Variants in ALG12 observed in about 807,000 individuals in gnomAD.
ALG12 encodes ALG12 alpha-1,6-mannosyltransferase.
In ALG12, 36 loss-of-function variants were observed where a neutral mutation model predicts 46.0. That is an observed-to-expected ratio of 0.78 (90% CI 0.60 to 1.03). The LOEUF (loss-of-function observed/expected upper bound fraction) is 1.03. Among genes scored for constraint, ALG12 ranks in the 50% least tolerant of loss-of-function variants. The pLI, the probability that ALG12 is intolerant of heterozygous loss-of-function variation, is 0.00. For synonymous variants in ALG12, 326 were observed against 291.6 expected, an observed-to-expected ratio of 1.12 and a Z score of -1.20; for missense variants, 599 against 633.5, an observed-to-expected ratio of 0.95 and a Z score of 0.58.
the ALG12 span, chr22:49,888,599 A>G: frequency 6.0e-6 from 1 of 167,282 alleles, no homozygotes; most frequent in Non-Finnish European, 1.5e-5. Context: ...TCTTACAACA[A>G]CAGTTCTGAT....
the ALG12 span, chr22:49,885,595 A>G: frequency 6.2e-7 from 1 of 1,608,562 alleles, no homozygotes; most frequent in Non-Finnish European, 8.5e-7. Context: ...TGATGACACC[A>G]ATGAGAAGTT....
At chr22:49,917,495 AC>A (rs1489216531) in intron 1 of ALG12, among the ~76,000 whole-genome samples, 2 of 152,150 alleles carry the variant, frequency 1.3e-5, no homozygotes, top group Non-Finnish European at 2.9e-5. Flanking sequence ...ACATGGTGAA[AC>A]CCCGTCTCTA....
chr22:49,872,641 C>T, the ALG12 span, among the ~76,000 whole-genome samples: 1 of 152,146 alleles, frequency 6.6e-6, no homozygotes, highest in African/African-American at 2.4e-5. Context: ...GCGAACCTCC[C>T]GTCTCAGCCT....
chr22:49,863,812 T>G, the ALG12 span, among the ~76,000 whole-genome samples: 6 of 152,338 alleles, frequency 3.9e-5, no homozygotes, highest in Admixed American at 3.9e-4. Flanking sequence ...CATTTTCCTA[T>G]CAGCCTCCAG....
chr22:49,863,339 T>G, the ALG12 span, among the ~76,000 whole-genome samples: 1 of 152,146 alleles, frequency 6.6e-6, no homozygotes, highest in African/African-American at 2.4e-5. Context: ...TTTAAAAATT[T>G]TTTTGTAGGC....
chr22:49,885,618 C>T, the ALG12 span: 1 of 1,611,252 alleles, frequency 6.2e-7, no homozygotes, highest in Non-Finnish European at 8.5e-7. Flanking sequence ...ACGATTCTCA[C>T]CCAGTTGCCA....
the ALG12 span, among the ~76,000 whole-genome samples, chr22:49,867,204 T>C: frequency 6.6e-6 from 1 of 152,240 alleles, no homozygotes; most frequent in African/African-American, 2.4e-5. Flanking sequence ...TAATTGCTTA[T>C]TTCCCAGATT....
intron 3 of ALG12, 96 bp downstream of exon 3, chr22:49,913,289 C>G (rs866121880): frequency 1.4e-5 from 22 of 1,572,052 alleles, no homozygotes; most frequent in Middle Eastern, 3.4e-4. Context: ...GACTAACAGA[C>G]AGCGTTCCTG....
At chr22:49,868,140 G>A in the ALG12 span, among the ~76,000 whole-genome samples, 16 of 152,158 alleles carry the variant, frequency 1.1e-4, no homozygotes, top group African/African-American at 3.4e-4. Context: ...ACTTACATTT[G>A]TTGGTTAACG....
the ALG12 span, among the ~76,000 whole-genome samples, chr22:49,861,924 A>G: frequency 3.3e-5 from 5 of 152,000 alleles, no homozygotes; most frequent in African/African-American, 4.8e-5. Flanking sequence ...GATACATGTA[A>G]TTTTGGTGAG....
At chr22:49,885,029 G>C in the ALG12 span, 2 of 1,612,850 alleles carry the variant, frequency 1.2e-6, no homozygotes, top group Non-Finnish European at 1.7e-6. Context: ...GTCATGAAAA[G>C]ACTGAAGTCG....
At chr22:49,883,180 A>G in the ALG12 span, among the ~76,000 whole-genome samples, 97,902 of 152,138 alleles carry the variant, frequency 0.64, 35,694 homozygotes, top group East Asian at 0.86. Context: ...GTCATCCTGT[A>G]AACGGATTGC....
chr22:49,877,589 G>C, the ALG12 span, among the ~76,000 whole-genome samples: 1 of 151,940 alleles, frequency 6.6e-6, no homozygotes, highest in African/African-American at 2.4e-5. Context: ...CACCACGCCT[G>C]GCCTAAAAAA....
the ALG12 span, among the ~76,000 whole-genome samples, chr22:49,892,020 C>T: frequency 6.6e-6 from 1 of 151,838 alleles, no homozygotes; most frequent in Non-Finnish European, 1.5e-5. Context: ...AACCCCGTCT[C>T]TACTAAAAAT....
chr22:49,887,207 G>C, the ALG12 span: 4 of 1,577,452 alleles, frequency 2.5e-6, no homozygotes, highest in Non-Finnish European at 2.6e-6. Flanking sequence ...TAGGCCAGAG[G>C]CGTGGCTGCC....
the ALG12 span, among the ~76,000 whole-genome samples, chr22:49,876,481 C>T: frequency 2.0e-5 from 3 of 152,094 alleles, no homozygotes; most frequent in African/African-American, 4.8e-5. Context: ...TGGGAGAATG[C>T]GCTCTGGATG....
At chr22:49,908,055 G>C in intron 6 of ALG12, 111 bp from the exon 7 acceptor site, 2 of 1,106,230 alleles carry the variant, frequency 1.8e-6, no homozygotes, top group Non-Finnish European at 2.6e-6. Flanking sequence ...GAGAGATGCA[G>C]CCTGGACCAC....
In ALG12 at chr22:49,906,752, A is replaced by G. The variant is rs1421669184; in HGVS notation, c.992+969T>C. Among the ~76,000 whole-genome samples the G allele has an allele frequency of 6.6e-6, 1 of 152,188 alleles. No individual in the cohort carries two copies. Among genetic ancestry groups the G allele is most frequent in the Admixed American group, 6.5e-5 (1 of 15,286 alleles). On this transcript the variant is annotated intron_variant, in intron 7 of 9. Coordinates refer to ENST00000330817, the MANE Select transcript of ALG12 (RefSeq NM_024105.4). The surrounding 1 kb of genome is among the most constrained non-coding windows in gnomAD (Gnocchi z 4.4). ...GGCCTCCTGTTCCCATCAAGGCAGC[A>G]AACTCTGAACGGGCACAGAGCTGGC...
At position 49,913,430 on chromosome 22, in the gene ALG12, C is replaced by T. The variant is rs199551380; in HGVS notation, c.250G>A (p.Val84Met). 1.5e-5 allele frequency: 24 copies of T among 1,614,026 alleles called. No individual in the cohort carries two copies. Among genetic ancestry groups the T allele is most frequent in the Middle Eastern group, 1.6e-4 (1 of 6,062 alleles). ...IAVFSSPAVYVLSLLEMSKFY... is the reference protein window; with the variant it reads ...IAVFSSPAVYMLSLLEMSKFY... Reference sequence around the variant, plus strand: ...TTGGACATTTCTAACAGCGAAAGCACGTAAACCGCGGGGCTGGAGAACACT... The same window carrying T: ...TTGGACATTTCTAACAGCGAAAGCATGTAAACCGCGGGGCTGGAGAACACT... The change falls in exon 3 of 10, where the codon GTG (valine) becomes ATG (methionine). Residue 84 changes from valine (V) to methionine (M), a missense_variant. Transcript: ENST00000330817.
Sources: allele counts gnomAD v4.1 joint callset (sites outside exome capture counted in the v4.1 genomes callset), GRCh38; gene constraint gnomAD v4.1.1; non-coding constraint Gnocchi (gnomAD v3.1); transcripts MANE v1.5; gene names NCBI Gene and HGNC (gene_info 2026-07-23, HGNC 2026-07-21).